The following ANO3 variants were observed in gnomAD, a reference collection of about 807,000 sequenced individuals.
ANO3 encodes the protein anoctamin-3.
A neutral mutation model predicts 144.8 loss-of-function variants in ANO3; 99 were observed. That is an observed-to-expected ratio of 0.68 (90% CI 0.58 to 0.81). The LOEUF (loss-of-function observed/expected upper bound fraction) is 0.81. Ranked by LOEUF, ANO3 falls within the 30% of genes least tolerant of loss-of-function variation. The probability of loss-of-function intolerance (pLI) is 0.00; values close to 1 mark genes in which losing one functional copy is unlikely to be tolerated. For synonymous variants in ANO3, 414 were observed against 392.6 expected (o/e 1.05, Z -0.64); for missense variants, 905 against 1,202.2 (o/e 0.75, Z 3.66).
At position 26,661,737 on chromosome 11, in the gene ANO3, C is replaced by T. The variant is rs1049345591; in HGVS notation, c.*1293C>T. 2 of 151,978 alleles carry T rather than the reference C, an allele frequency of 1.3e-5. No homozygotes were observed. The highest frequency in any genetic ancestry group is 1.9e-4 in the East Asian group (1 of 5,184). 9.4% of individuals were successfully genotyped at this position (151,978 alleles called of 1,614,324 possible). A position where few individuals can be genotyped will look rare whatever the true frequency, so the allele number is the denominator to read the frequency against. Reference sequence around the variant, plus strand: ...CTTTGTTGTGGAATTTCTATTTCAACGTCAACTCTGTATCTATGAGTATGT... The same window carrying T: ...CTTTGTTGTGGAATTTCTATTTCAATGTCAACTCTGTATCTATGAGTATGT... On this transcript the variant is annotated 3_prime_UTR_variant, in exon 27 of 27. Coordinates refer to ENST00000256737, the MANE Select transcript of ANO3 (RefSeq NM_031418.4).
At chr11:26,391,062 T>A (rs1856865232) in intron 1 of ANO3, among the ~76,000 whole-genome samples, 1 of 152,300 alleles carries the variant, frequency 6.6e-6, no homozygotes, top group South Asian at 2.1e-4. Flanking sequence ...CTGTCTTAGT[T>A]CATTTTCTCT....
chr11:26,419,648 T>C (rs546113466), intron 1 of ANO3, among the ~76,000 whole-genome samples: 60 of 152,180 alleles, frequency 3.9e-4, no homozygotes, highest in Admixed American at 1.0e-3. Flanking sequence ...AATGGACTTA[T>C]AAACTGGAGA....
At chr11:26,276,414 C>T (rs1796203714) in intron 1 of ANO3, among the ~76,000 whole-genome samples, 2 of 152,068 alleles carry the variant, frequency 1.3e-5, no homozygotes, top group Admixed American at 6.6e-5. Context: ...TTTGTATAGG[C>T]AAATTTGATA....
At chr11:26,339,447 G>A (rs551408166) in intron 1 of ANO3, among the ~76,000 whole-genome samples, 36 of 152,182 alleles carry the variant, frequency 2.4e-4, no homozygotes, top group Non-Finnish European at 3.7e-4. Context: ...GAACCACCGC[G>A]CCTGGCCCAA....
chr11:26,659,725 A>G (rs1203795977), intron 26 of ANO3, among the ~76,000 whole-genome samples: 1 of 152,140 alleles, frequency 6.6e-6, no homozygotes, highest in African/African-American at 2.4e-5. Context: ...TAAAAGTAAT[A>G]TGTTTTTTAT....
chr11:26,298,830 G>C (rs1854152247), intron 1 of ANO3, among the ~76,000 whole-genome samples: 1 of 152,154 alleles, frequency 6.6e-6, no homozygotes. Flanking sequence ...GAAGAGTCAA[G>C]ATTTTTGGCC....
chr11:26,643,784 C>G (rs1853249755), intron 23 of ANO3, among the ~76,000 whole-genome samples: 1 of 152,070 alleles, frequency 6.6e-6, no homozygotes, highest in Non-Finnish European at 1.5e-5. Flanking sequence ...AGGACTCTTA[C>G]AAAAAATAGC....
intron 13 of ANO3, 24 bp from the exon 14 acceptor site, chr11:26,559,695 T>C: frequency 6.4e-7 from 1 of 1,574,726 alleles, no homozygotes; most frequent in Non-Finnish European, 8.7e-7. Context: ...GCATGACTAA[T>C]ATTTCTGTTT....
chr11:26,253,128 G>A (rs1852972484), intron 1 of ANO3, among the ~76,000 whole-genome samples: 1 of 152,152 alleles, frequency 6.6e-6, no homozygotes, highest in Non-Finnish European at 1.5e-5. Flanking sequence ...TGTATTAGGT[G>A]GAAGCCATGG....
At chr11:26,605,748 A>G (rs1851917039) in intron 17 of ANO3, among the ~76,000 whole-genome samples, 1 of 151,572 alleles carries the variant, frequency 6.6e-6, no homozygotes, top group Non-Finnish European at 1.5e-5. Flanking sequence ...GTCTTCTCTG[A>G]CGGTAGTTTG....
At chr11:26,420,621 C>T (rs1436610518) in intron 1 of ANO3, among the ~76,000 whole-genome samples, 2 of 152,072 alleles carry the variant, frequency 1.3e-5, no homozygotes, top group Non-Finnish European at 2.9e-5. Context: ...AATCTAAGCA[C>T]ATGGATTCTT....
intron 1 of ANO3, among the ~76,000 whole-genome samples, chr11:26,371,447 C>T (rs548309155): frequency 2.0e-4 from 30 of 152,328 alleles, no homozygotes; most frequent in Non-Finnish European, 4.1e-4. Flanking sequence ...TTGAAGCCCC[C>T]ACACAGAGTC....
chr11:26,280,428 A>T (rs1484597153), intron 1 of ANO3, among the ~76,000 whole-genome samples: 3 of 152,166 alleles, frequency 2.0e-5, no homozygotes, highest in Non-Finnish European at 2.9e-5. Context: ...CTGAAGAGCG[A>T]GGAAGCCAGT....
intron 1 of ANO3, among the ~76,000 whole-genome samples, chr11:26,302,671 A>G (rs1400831713): frequency 1.3e-5 from 2 of 152,224 alleles, no homozygotes; most frequent in Admixed American, 6.5e-5. Context: ...GGATGTGTTG[A>G]AAGTACACAG....
chr11:26,334,916 T>C (rs1855154654), intron 1 of ANO3, among the ~76,000 whole-genome samples: 1 of 152,152 alleles, frequency 6.6e-6, no homozygotes, highest in African/African-American at 2.4e-5. Flanking sequence ...CCACCCTTAA[T>C]TGAAAAACAG....
chr11:26,531,364 C>G, intron 8 of ANO3, 28 bp downstream of exon 8: 1 of 1,589,084 alleles, frequency 6.3e-7, no homozygotes. Flanking sequence ...TTCATACTGC[C>G]TACCTTTATA....
chr11:26,191,404 AAC>A (rs1433234322), intron 1 of ANO3, among the ~76,000 whole-genome samples: 1 of 151,966 alleles, frequency 6.6e-6, no homozygotes, highest in African/African-American at 2.4e-5. Context: ...GAGGAACTGA[AAC>A]ACCGCTCTCT....
At chr11:26,238,458 T>C (rs1240795422) in intron 1 of ANO3, among the ~76,000 whole-genome samples, 1 of 152,118 alleles carries the variant, frequency 6.6e-6, no homozygotes, top group Non-Finnish European at 1.5e-5. Context: ...TGATTTAACA[T>C]TAATACTCTA....
At chr11:26,529,727 A>G (rs1479953235) in intron 7 of ANO3, among the ~76,000 whole-genome samples, 1 of 151,804 alleles carries the variant, frequency 6.6e-6, no homozygotes, top group Non-Finnish European at 1.5e-5. Flanking sequence ...TATTAAACAC[A>G]GCTATTATTA....
Sources: allele counts gnomAD v4.1 joint callset (sites outside exome capture counted in the v4.1 genomes callset), GRCh38; gene constraint gnomAD v4.1.1; transcripts MANE v1.5; gene names NCBI Gene and HGNC (gene_info 2026-07-23, HGNC 2026-07-21).